The following GPC5 variants were observed in gnomAD, a reference collection of about 807,000 sequenced individuals.
GPC5 encodes the protein glypican 5, also known as glypican-5.
Under a neutral mutation model 53.9 loss-of-function variants are expected in GPC5, and 47 were observed. The ratio of observed to expected loss-of-function variants is 0.87; its 90% confidence interval spans 0.69 to 1.11. GPC5 has a LOEUF of 1.11. Among genes scored for constraint, GPC5 ranks in the 50% most tolerant of loss-of-function variants. GPC5 has a pLI of 0.00. For synonymous variants in GPC5, 286 were observed against 263.3 expected, an observed-to-expected ratio of 1.09 and a Z score of -0.84; for missense variants, 748 against 713.1, an observed-to-expected ratio of 1.05 and a Z score of -0.56.
At chr13:92,344,957 C>A (rs1435283708) in intron 7 of GPC5, among the ~76,000 whole-genome samples, 4 of 152,198 alleles carry the variant, frequency 2.6e-5, no homozygotes, top group African/African-American at 9.6e-5. Flanking sequence ...AAGAGAATAT[C>A]ATTGATTTCA....
intron 6 of GPC5, among the ~76,000 whole-genome samples, chr13:92,107,302 GT>G (rs545724600): frequency 1.0e-4 from 15 of 147,840 alleles, no homozygotes; most frequent in African/African-American, 2.2e-4. Flanking sequence ...AAACAGCTGA[GT>G]TTTTTTTTTC....
chr13:92,752,896 G>A (rs573934399), intron 7 of GPC5, among the ~76,000 whole-genome samples: 15 of 152,254 alleles, frequency 9.9e-5, no homozygotes, highest in South Asian at 4.1e-4. Context: ...ACTGCAAGGC[G>A]GCAGTGAGGC....
intron 7 of GPC5, among the ~76,000 whole-genome samples, chr13:92,495,474 A>T (rs1879937588): frequency 6.6e-6 from 1 of 152,098 alleles, no homozygotes; most frequent in African/African-American, 2.4e-5. Context: ...AAATATTTTA[A>T]TTTTATTCTG....
chr13:92,663,776 T>TAC (rs1393711541), intron 7 of GPC5, among the ~76,000 whole-genome samples: 1 of 137,374 alleles, frequency 7.3e-6, no homozygotes, highest in African/African-American at 2.7e-5. Flanking sequence ...ACACTATATA[T>TAC]ACACACACTA....
intron 7 of GPC5, among the ~76,000 whole-genome samples, chr13:92,170,953 T>C (rs1566468070): frequency 6.6e-6 from 1 of 152,188 alleles, no homozygotes; most frequent in African/African-American, 2.4e-5. Flanking sequence ...TGAAATATTT[T>C]AAGATTATGG....
At chr13:92,475,742 A>C (rs987396897) in intron 7 of GPC5, among the ~76,000 whole-genome samples, 3 of 152,184 alleles carry the variant, frequency 2.0e-5, no homozygotes, top group South Asian at 2.1e-4. Flanking sequence ...GAATATCTAC[A>C]GCTATCTGAT....
intron 7 of GPC5, among the ~76,000 whole-genome samples, chr13:92,861,702 T>C (rs1323688703): frequency 6.6e-6 from 1 of 152,166 alleles, no homozygotes; most frequent in Admixed American, 6.6e-5. Flanking sequence ...TACCAAAGGT[T>C]CTTTTCTTGT....
chr13:91,818,542 A>G (rs1287911678), intron 5 of GPC5, among the ~76,000 whole-genome samples: 1 of 152,182 alleles, frequency 6.6e-6, no homozygotes, highest in East Asian at 1.9e-4. Context: ...CAGTTTTAGT[A>G]TTCAATGGAG....
At chr13:92,292,491 C>T (rs1315727500) in intron 7 of GPC5, among the ~76,000 whole-genome samples, 2 of 152,020 alleles carry the variant, frequency 1.3e-5, no homozygotes, top group Non-Finnish European at 2.9e-5. Flanking sequence ...TGAGAATTGT[C>T]TATTCATGTC....
intron 2 of GPC5, among the ~76,000 whole-genome samples, chr13:91,580,631 C>T (rs2032325588): frequency 6.6e-6 from 1 of 152,124 alleles, no homozygotes; most frequent in African/African-American, 2.4e-5. Context: ...CATAGAAACA[C>T]CTTTGGAAGC....
chr13:92,345,907 T>C (rs75025555), intron 7 of GPC5, among the ~76,000 whole-genome samples: 1 of 152,224 alleles, frequency 6.6e-6, no homozygotes, highest in Non-Finnish European at 1.5e-5. Flanking sequence ...TTTTGTGTTC[T>C]TGACAGCTCA....
At chr13:92,617,763 T>G (rs1327829137) in intron 7 of GPC5, among the ~76,000 whole-genome samples, 1 of 152,236 alleles carries the variant, frequency 6.6e-6, no homozygotes, top group Non-Finnish European at 1.5e-5. Flanking sequence ...ATATAATTAC[T>G]ACACTTTTCA....
At chr13:92,176,419 T>C (rs2042109513) in intron 7 of GPC5, among the ~76,000 whole-genome samples, 1 of 152,188 alleles carries the variant, frequency 6.6e-6, no homozygotes. Context: ...TGTGTTTTCT[T>C]TGCATTTATG....
At chr13:92,377,391 A>G (rs2043703730) in intron 7 of GPC5, among the ~76,000 whole-genome samples, 1 of 152,234 alleles carries the variant, frequency 6.6e-6, no homozygotes, top group Non-Finnish European at 1.5e-5. Flanking sequence ...CACTGTACAC[A>G]TGAGGCATAC....
At chr13:92,337,508 T>C (rs928556480) in intron 7 of GPC5, among the ~76,000 whole-genome samples, 24 of 152,066 alleles carry the variant, frequency 1.6e-4, no homozygotes, top group Non-Finnish European at 3.5e-4. Context: ...GGAGAGAATA[T>C]TGAAAGAGAA....
intron 7 of GPC5, among the ~76,000 whole-genome samples, chr13:92,802,382 T>C (rs563365179): frequency 1.3e-5 from 2 of 151,956 alleles, no homozygotes; most frequent in East Asian, 3.9e-4. Context: ...AATGCAGGAC[T>C]ATGTCTTTTT....
chr13:92,487,097 C>A (rs992995071), intron 7 of GPC5, among the ~76,000 whole-genome samples: 1 of 152,144 alleles, frequency 6.6e-6, no homozygotes, highest in Non-Finnish European at 1.5e-5. Flanking sequence ...CTCAGGTGAT[C>A]TGCCTGCCTC....
intron 7 of GPC5, among the ~76,000 whole-genome samples, chr13:92,295,772 G>C (rs1208042377): frequency 6.6e-6 from 1 of 152,118 alleles, no homozygotes; most frequent in Non-Finnish European, 1.5e-5. Context: ...CATAAGAATA[G>C]CTACTCCTGC....
At chr13:92,758,218 A>G (rs1874986192) in intron 7 of GPC5, among the ~76,000 whole-genome samples, 1 of 143,124 alleles carries the variant, frequency 7.0e-6, no homozygotes, top group Non-Finnish European at 1.6e-5. Context: ...CATTCTCAGT[A>G]AACTATCGCA....
Sources: allele counts gnomAD v4.1 joint callset (sites outside exome capture counted in the v4.1 genomes callset), GRCh38; gene constraint gnomAD v4.1.1; transcripts MANE v1.5; gene names NCBI Gene and HGNC (gene_info 2026-07-23, HGNC 2026-07-21).